The following UHRF1 variants were observed in gnomAD, a reference collection of about 807,000 sequenced individuals.
UHRF1 encodes ubiquitin like with PHD and ring finger domains 1, also known as E3 ubiquitin-protein ligase UHRF1.
In UHRF1, 9 loss-of-function variants were observed where a neutral mutation model predicts 96.5. The observed-to-expected ratio is 0.09, with a 90% confidence interval of 0.06 to 0.16. The LOEUF is 0.16. UHRF1 is among the 10% of genes least tolerant of loss of function. UHRF1 has a pLI of 1.00. For missense variants in UHRF1, 626 were observed against 1,131.1 expected (o/e 0.55, Z 6.40); for synonymous variants, 455 against 469.9 (o/e 0.97, Z 0.41).
Position 4,961,819 on chromosome 19 carries a change from A to T in UHRF1, c.*1016A>T, listed in dbSNP as rs918560199. ...CTTAATGAACACATTTTCTAAATGA[A>T]TTTTTTTTGTAGTTACTGTATATGT... On this transcript the variant is annotated 3_prime_UTR_variant, in exon 17 of 17. Coordinates refer to ENST00000650932, the MANE Select transcript of UHRF1 (RefSeq NM_001048201.3). 8 of 151,752 alleles carry T rather than the reference A, an allele frequency of 5.3e-5. No homozygotes were observed. Among genetic ancestry groups the T allele is most frequent in the Non-Finnish European group, 1.5e-5 (1 of 67,956 alleles). The allele number at this position is 151,752 out of a possible 1,614,324, so 9.4% of individuals were successfully genotyped here.
intron 9 of UHRF1, among the ~76,000 whole-genome samples, chr19:4,945,416 G>C (rs998594421): frequency 6.6e-6 from 1 of 151,928 alleles, no homozygotes; most frequent in Non-Finnish European, 1.5e-5. Flanking sequence ...ATGCCACCAC[G>C]CCCAGCTAAT....
chr19:4,946,116 C>T (rs1237536084), intron 10 of UHRF1, among the ~76,000 whole-genome samples, 151 bp downstream of exon 10: 2 of 152,070 alleles, frequency 1.3e-5, no homozygotes, highest in Non-Finnish European at 2.9e-5. Flanking sequence ...GCAACCATCA[C>T]CACCACCATC....
intron 1 of UHRF1, 157 bp from the exon 2 acceptor site, chr19:4,910,719 C>A: frequency 1.3e-6 from 1 of 756,804 alleles, no homozygotes; most frequent in Non-Finnish European, 2.0e-6. Flanking sequence ...GTGTCTGGTC[C>A]TGGCCAGGGT....
chr19:4,938,588 C>T (rs1004490825), intron 5 of UHRF1, among the ~76,000 whole-genome samples: 3 of 151,562 alleles, frequency 2.0e-5, no homozygotes, highest in African/African-American at 4.8e-5. Context: ...AGTGCAGTGG[C>T]GTGATCTCAG....
chr19:4,913,818 TTTTTTTTTTTTG>T (rs1165464795), intron 2 of UHRF1, among the ~76,000 whole-genome samples: 1 of 121,574 alleles, frequency 8.2e-6, no homozygotes, highest in Non-Finnish European at 1.7e-5. Flanking sequence ...TTTTTTTTTT[TTTTTTTTTTTTG>T]GAGACAGTTT....
At position 4,944,163 on chromosome 19, in the gene UHRF1, G is replaced by A. The variant is rs1173318450; in HGVS notation, c.1105G>A (p.Glu369Lys). The A allele has an allele frequency of 1.2e-6, 2 of 1,614,026 alleles. No homozygotes were observed. The highest frequency in any genetic ancestry group is 2.2e-5 in the East Asian group (1 of 44,892). Residue 369 changes from glutamate to lysine, a missense_variant, in exon 8 of 17, where the codon GAG becomes AAG. Physicochemically the swap from Glu to Lys is moderately conservative, Grantham distance 56. Transcript: ENST00000650932. ...YCPECRNDAS[E>K]VVLAGERLRE... The stretch of plus-strand genomic sequence containing the variant: ...CCCTGAGTGCCGGAATGATGCCAGC[G>A]AGGTGGTACTGGCGGGAGAGCGGCT...
chr19:4,941,972 C>T, intron 7 of UHRF1, 41 bp downstream of exon 7: 1 of 1,438,552 alleles, frequency 7.0e-7, no homozygotes, highest in Non-Finnish European at 9.2e-7. Flanking sequence ...CCAGAGCGCC[C>T]CCTACAAATC....
chr19:4,913,270 T>TTTTTTGGTG (rs4022200), intron 2 of UHRF1, among the ~76,000 whole-genome samples: 1 of 149,572 alleles, frequency 6.7e-6, no homozygotes. Context: ...TTTTTTTTTT[T>TTTTTTGGTG]GAGATGGAGT....
intron 13 of UHRF1, among the ~76,000 whole-genome samples, chr19:4,952,666 G>A (rs2033749942): frequency 6.6e-6 from 1 of 151,622 alleles, no homozygotes. Context: ...ACAGGTGTGA[G>A]CCGCTGACCC....
intron 11 of UHRF1, among the ~76,000 whole-genome samples, chr19:4,949,222 A>G (rs537019693): frequency 2.0e-5 from 3 of 152,256 alleles, no homozygotes; most frequent in Non-Finnish European, 2.9e-5. Context: ...TGTTTCCCCT[A>G]TAAAGTTGGC....
At chr19:4,951,166 T>C (rs1397068477) in intron 13 of UHRF1, among the ~76,000 whole-genome samples, 170 bp downstream of exon 13, 1 of 152,124 alleles carries the variant, frequency 6.6e-6, no homozygotes. Context: ...CTGAGGTGGC[T>C]GAGGCAGGAG....
At chr19:4,957,324 T>TTTTTTTTTTTTTC (rs2033883681) in intron 16 of UHRF1, among the ~76,000 whole-genome samples, 1 of 105,318 alleles carries the variant, frequency 9.5e-6, no homozygotes, top group African/African-American at 3.1e-5. Context: ...TTTTTTTTTT[T>TTTTTTTTTTTTTC]CTGAGACAGA....
intron 4 of UHRF1, among the ~76,000 whole-genome samples, chr19:4,931,240 G>A (rs1372302549): frequency 1.3e-5 from 2 of 152,142 alleles, no homozygotes; most frequent in Admixed American, 6.5e-5. Flanking sequence ...TACCTGCCAA[G>A]TTCGGGGTCC....
At chr19:4,938,577 G>C (rs563422110) in intron 5 of UHRF1, among the ~76,000 whole-genome samples, 1 of 151,568 alleles carries the variant, frequency 6.6e-6, no homozygotes, top group East Asian at 1.9e-4. Flanking sequence ...ACCCATGCTG[G>C]AGTGCAGTGG....
chr19:4,915,454 T>C (rs2032459223), intron 2 of UHRF1, among the ~76,000 whole-genome samples: 1 of 152,196 alleles, frequency 6.6e-6, no homozygotes. Context: ...TGGCTCATGA[T>C]TGTAATCCCG....
chr19:4,918,945 C>T (rs892988806), intron 2 of UHRF1, among the ~76,000 whole-genome samples: 3 of 151,546 alleles, frequency 2.0e-5, no homozygotes, highest in Non-Finnish European at 4.4e-5. Flanking sequence ...TGGTCTTGAA[C>T]TCCTAGCCTC....
chr19:4,955,145 C>T (rs934251962), intron 15 of UHRF1, among the ~76,000 whole-genome samples: 10 of 152,078 alleles, frequency 6.6e-5, no homozygotes, highest in Non-Finnish European at 4.4e-5. Flanking sequence ...CTCTGTCTCC[C>T]GGGGCTGTTG....
At chr19:4,951,696 C>CAAAAAA (rs771845391) in intron 13 of UHRF1, among the ~76,000 whole-genome samples, 1 of 83,352 alleles carries the variant, frequency 1.2e-5, no homozygotes, top group Non-Finnish European at 2.4e-5. Flanking sequence ...TGGCTCATCA[C>CAAAAAA]AAAAAAAAAA....
chr19:4,929,595 G>C, intron 3 of UHRF1, 119 bp downstream of exon 3: 1 of 1,408,908 alleles, frequency 7.1e-7, no homozygotes, highest in Non-Finnish European at 9.5e-7. Flanking sequence ...TGGCTGGGCA[G>C]AAATGGCCAA....
Sources: gnomAD v4.1 joint callset for allele counts (sites outside exome capture counted in the v4.1 genomes callset) on GRCh38, gnomAD v4.1.1 for gene constraint, MANE v1.5 for transcripts, NCBI Gene and HGNC (gene_info 2026-07-23, HGNC 2026-07-21) for gene names.